The following SMC5 variants were observed in gnomAD, a reference collection of about 807,000 sequenced individuals.
SMC5 encodes structural maintenance of chromosomes 5.
Under a neutral mutation model 148.3 loss-of-function variants are expected in SMC5, and 88 were observed. The ratio of observed to expected loss-of-function variants is 0.59; its 90% CI spans 0.50 to 0.71. The LOEUF is 0.71. Among genes scored for constraint, SMC5 ranks in the 30% least tolerant of loss-of-function variants. The pLI is 0.00. For synonymous variants in SMC5, 421 were observed against 432.8 expected, an observed-to-expected ratio of 0.97 and a Z score of 0.34; for missense variants, 1,142 against 1,298.9, an observed-to-expected ratio of 0.88 and a Z score of 1.86.
intron 12 of SMC5, among the ~76,000 whole-genome samples, 154 bp downstream of exon 12, chr9:70,314,990 G>T (rs1293834971): frequency 2.0e-5 from 3 of 152,054 alleles, no homozygotes; most frequent in Non-Finnish European, 2.9e-5. Context: ...GATATAGTTA[G>T]CACACAGTGA....
Position 70,353,944 on chromosome 9 carries a change from G to C in SMC5, c.*1613G>C, listed in dbSNP as rs1445484324. 2 of 152,106 alleles carry C rather than the reference G, an allele frequency of 1.3e-5. No individual in the cohort carries two copies. The highest frequency in any genetic ancestry group is 2.9e-5 in the Non-Finnish European group (2 of 68,006). The allele number at this position is 152,106 out of a possible 1,614,324, so 9.4% of individuals were successfully genotyped here. A position where few individuals can be genotyped will look rare whatever the true frequency, so the allele number is the denominator to read the frequency against. On this transcript the variant is annotated 3_prime_UTR_variant, in exon 25 of 25. Coordinates refer to ENST00000361138, the MANE Select transcript of SMC5 (RefSeq NM_015110.4). ...TTGTTTATTGTCTAAATTAGTACCA[G>C]TCATCTTATTTCTGCAAAATGAGTA... is the stretch of plus-strand genomic sequence containing the variant.
intron 11 of SMC5, among the ~76,000 whole-genome samples, chr9:70,309,434 C>G (rs950840679): frequency 1.3e-5 from 2 of 150,066 alleles, no homozygotes; most frequent in African/African-American, 4.9e-5. Flanking sequence ...GCCACCGCGC[C>G]CAGCCTAGAA....
rs1232909726 is a variant in SMC5, at chr9:70,353,702, C to T, written c.*1371C>T. Reference sequence around the variant, plus strand: ...TTTCTCTTTAAAAAGGTATTTTCTTCTTTATAAACATTTTAAAAGAGCCTT... The same window carrying T: ...TTTCTCTTTAAAAAGGTATTTTCTTTTTTATAAACATTTTAAAAGAGCCTT... On this transcript the variant is annotated 3_prime_UTR_variant, in exon 25 of 25. Coordinates refer to ENST00000361138, the MANE Select transcript of SMC5 (RefSeq NM_015110.4). The T allele has an allele frequency of 6.6e-6, 1 of 152,108 alleles. No individual in the cohort carries two copies. The highest frequency in any genetic ancestry group is 1.5e-5 in the Non-Finnish European group (1 of 67,992). 9.4% of individuals were successfully genotyped at this position (152,108 alleles called of 1,614,324 possible).
chr9:70,332,523 CAAAAAAAAAAAAA>C (rs57524323), intron 17 of SMC5, among the ~76,000 whole-genome samples: 1 of 104,212 alleles, frequency 9.6e-6, no homozygotes, highest in South Asian at 3.2e-4. Context: ...GACCCTGTCT[CAAAAAAAAAAAAA>C]AAAAAAAAGA....
chr9:70,299,468 C>T (rs914332290), intron 9 of SMC5, among the ~76,000 whole-genome samples: 1 of 151,976 alleles, frequency 6.6e-6, no homozygotes, highest in African/African-American at 2.4e-5. Context: ...AGGCCTCCTG[C>T]ATGGTTATCA....
intron 17 of SMC5, 122 bp downstream of exon 17, chr9:70,324,265 T>A: frequency 1.0e-6 from 1 of 954,962 alleles, no homozygotes; most frequent in Non-Finnish European, 1.5e-6. Flanking sequence ...CTTACAAATT[T>A]AATGCATCAT....
intron 3 of SMC5, among the ~76,000 whole-genome samples, chr9:70,269,530 A>G (rs540805238): frequency 2.0e-5 from 3 of 152,274 alleles, no homozygotes; most frequent in African/African-American, 7.2e-5. Flanking sequence ...GTAGTGAGCC[A>G]TGATTGTGCC....
chr9:70,309,087 CAT>C (rs1274864249), intron 11 of SMC5, among the ~76,000 whole-genome samples: 3 of 152,086 alleles, frequency 2.0e-5, no homozygotes, highest in Non-Finnish European at 2.9e-5. Flanking sequence ...TACGAACAAT[CAT>C]GTGAGCCTTC....
chr9:70,267,315 G>C (rs1011440577), intron 2 of SMC5, among the ~76,000 whole-genome samples: 1 of 152,062 alleles, frequency 6.6e-6, no homozygotes, highest in Admixed American at 6.6e-5. Context: ...TTTAGGCTCA[G>C]ACTTTGTTTT....
chr9:70,302,137 C>T (rs972007520), intron 10 of SMC5, among the ~76,000 whole-genome samples: 4 of 152,130 alleles, frequency 2.6e-5, no homozygotes, highest in Middle Eastern at 3.4e-3. Flanking sequence ...TTTGGGAGGC[C>T]GAGGTAGGCA....
In SMC5 at chr9:70,300,076, A is replaced by G. The variant is rs142488686; in HGVS notation, c.1340A>G (p.Asn447Ser). 5.2e-4 allele frequency: 825 copies of G among 1,591,900 alleles called. 6 individuals are homozygous for G. In the Middle Eastern group the frequency reaches 0.013, roughly 25 times the overall value. The change falls in exon 10 of 25, where the codon AAT becomes AGT. Residue 447 changes from asparagine to serine, a missense_variant. Around this residue, in one of 5 missense-constraint regions of SMC5, gnomAD observed 743 missense variants for 835.7 expected, o/e 0.89. Transcript: ENST00000361138. ...SVDDHIVRFD[N>S]LMNQKEDKLR... ...GACGATCATATTGTACGTTTTGACA[A>G]TCTTATGAATCAGAAGGAAGATAAG...
At chr9:70,321,473 G>T (rs2035945374) in intron 15 of SMC5, among the ~76,000 whole-genome samples, 1 of 149,118 alleles carries the variant, frequency 6.7e-6, no homozygotes, top group Non-Finnish European at 1.5e-5. Context: ...GCTCACTACA[G>T]CTTTGAACTC....
Position 70,292,261 on chromosome 9 carries a change from G to A in SMC5, c.1054-5705G>A, listed in dbSNP as rs535010034. On this transcript the variant is annotated intron_variant, in intron 8 of 24. Transcript: ENST00000361138. ...AATAGGAATTTCATTAAACATTTGG[G>A]AAGAATTGAAATCTTTACTATGTTG... is the stretch of plus-strand genomic sequence containing the variant. Among the ~76,000 whole-genome samples, 22 of 152,216 alleles carry A rather than the reference G, an allele frequency of 1.4e-4. 1 individual carries two copies. In the South Asian group the frequency reaches 4.6e-3, roughly 32 times the overall value.
chr9:70,301,633 C>T (rs2035359996), intron 10 of SMC5, among the ~76,000 whole-genome samples: 1 of 152,108 alleles, frequency 6.6e-6, no homozygotes, highest in Non-Finnish European at 1.5e-5. Flanking sequence ...CAAAGATTTA[C>T]ATATGAACTC....
At position 70,353,701 on chromosome 9, in the gene SMC5, T is replaced by G; in HGVS notation, c.*1370T>G. On this transcript the variant is annotated 3_prime_UTR_variant, in exon 25 of 25. Transcript: ENST00000361138. ...TTTTCTCTTTAAAAAGGTATTTTCT[T>G]CTTTATAAACATTTTAAAAGAGCCT... 6.6e-6 allele frequency: 1 copy of G among 152,348 alleles called. No homozygotes were observed. The highest frequency in any genetic ancestry group is 6.5e-5 in the Admixed American group (1 of 15,302). The allele number at this position is 152,348 out of a possible 1,614,324, so 9.4% of individuals were successfully genotyped here.
chr9:70,346,337 G>A (rs968032579), intron 18 of SMC5: 1 of 437,842 alleles, frequency 2.3e-6, no homozygotes, highest in Non-Finnish European at 4.0e-6. Flanking sequence ...AGGGTTTCAG[G>A]ATTCATTTTG....
At chr9:70,260,931 TG>T (rs1027457044) in intron 1 of SMC5, among the ~76,000 whole-genome samples, 2 of 152,014 alleles carry the variant, frequency 1.3e-5, no homozygotes, top group Non-Finnish European at 2.9e-5. Context: ...TTTGTAGAGA[TG>T]GGGTTTCACC....
intron 17 of SMC5, among the ~76,000 whole-genome samples, chr9:70,341,330 T>C (rs2036516976): frequency 6.6e-6 from 1 of 152,232 alleles, no homozygotes. Context: ...TTCTTTTCCA[T>C]AATGTTCTAA....
At chr9:70,279,817 C>CA (rs561567100) in intron 5 of SMC5, among the ~76,000 whole-genome samples, 4,019 of 55,352 alleles carry the variant, frequency 0.073, 60 homozygotes, top group Non-Finnish European at 0.088. Flanking sequence ...AACTCCGTTT[C>CA]AAAAAAAAAA....
Sources: allele counts gnomAD v4.1 joint callset (sites outside exome capture counted in the v4.1 genomes callset), GRCh38; gene constraint gnomAD v4.1.1; regional missense constraint gnomAD v4.1.1; transcripts MANE v1.5; gene names NCBI Gene and HGNC (gene_info 2026-07-23, HGNC 2026-07-21).